The following SLC15A5 variants were observed in gnomAD, a reference collection of about 807,000 sequenced individuals.
SLC15A5 encodes the protein solute carrier family 15 member 5.
SLC15A5 carries 58 observed loss-of-function variants against 56.1 expected under a neutral mutation model. The observed-to-expected ratio is 1.03, with a 90% CI of 0.84 to 1.29. The LOEUF is 1.29. SLC15A5 is among the 50% of genes most tolerant of loss of function. The pLI, the probability that SLC15A5 is intolerant of heterozygous loss-of-function variation, is 0.00. For synonymous variants in SLC15A5, 264 were observed against 250.5 expected (o/e 1.05, Z -0.51); for missense variants, 681 against 672.1 (o/e 1.01, Z -0.15).
At chr12:16,254,959 T>G (rs1442354181) in intron 3 of SLC15A5, among the ~76,000 whole-genome samples, 3 of 152,090 alleles carry the variant, frequency 2.0e-5, no homozygotes, top group Non-Finnish European at 4.4e-5. Flanking sequence ...CAATAAAATA[T>G]TATATAGTTT....
intron 4 of SLC15A5, among the ~76,000 whole-genome samples, chr12:16,241,114 A>G (rs1365516453): frequency 2.0e-5 from 3 of 152,092 alleles, no homozygotes; most frequent in African/African-American, 7.2e-5. Flanking sequence ...TGCCCGGCCC[A>G]TCATGATCTT....
In SLC15A5 at chr12:16,195,458, G is replaced by C. The variant is rs189308616; in HGVS notation, c.1484-1005C>G. 2.0e-5 allele frequency among the ~76,000 whole-genome samples: 3 copies of C among 152,168 alleles called. No individual in the cohort carries two copies. The East Asian group carries it at 5.8e-4, about 29-fold the overall frequency. On this transcript the variant is annotated intron_variant, in intron 7 of 8. Transcript: ENST00000344941. ...TAAAAGGGAAAAATCTAACTTAACA[G>C]AGAGAATTTAATTTAACTGTAGCTA...
intron 4 of SLC15A5, among the ~76,000 whole-genome samples, chr12:16,240,359 C>A (rs1030168105): frequency 3.3e-5 from 5 of 151,772 alleles, no homozygotes; most frequent in African/African-American, 4.8e-5. Context: ...AGAAGAGGGG[C>A]CCAATGTGGA....
At chr12:16,214,122 T>C (rs1864108336) in intron 7 of SLC15A5, among the ~76,000 whole-genome samples, 1 of 152,188 alleles carries the variant, frequency 6.6e-6, no homozygotes, top group African/African-American at 2.4e-5. Flanking sequence ...AATCGTTACA[T>C]TTAAAAAATT....
chr12:16,258,568 T>A (rs1053999386), intron 2 of SLC15A5, among the ~76,000 whole-genome samples: 16 of 152,214 alleles, frequency 1.1e-4, no homozygotes, highest in African/African-American at 3.6e-4. Flanking sequence ...AAAATTGACG[T>A]AAAATTAAAT....
chr12:16,205,703 C>T (rs777302423), intron 7 of SLC15A5, among the ~76,000 whole-genome samples: 1 of 151,276 alleles, frequency 6.6e-6, no homozygotes, highest in Non-Finnish European at 1.5e-5. Context: ...CCACCAAAAT[C>T]AGAGCTTTAT....
chr12:16,214,741 C>T (rs959387228), intron 7 of SLC15A5, among the ~76,000 whole-genome samples: 1 of 152,180 alleles, frequency 6.6e-6, no homozygotes, highest in African/African-American at 2.4e-5. Context: ...TTGTATTCTT[C>T]TGCCATAATA....
At chr12:16,247,435 A>G (rs1199903054) in intron 3 of SLC15A5, among the ~76,000 whole-genome samples, 1 of 152,190 alleles carries the variant, frequency 6.6e-6, no homozygotes, top group Non-Finnish European at 1.5e-5. Context: ...CTGAAAATAT[A>G]GCAGTGAACG....
intron 7 of SLC15A5, among the ~76,000 whole-genome samples, chr12:16,214,827 G>A (rs112298596): frequency 4.6e-5 from 7 of 152,228 alleles, no homozygotes; most frequent in Admixed American, 2.0e-4. Context: ...GAGGGAGTCT[G>A]TGGGGATCCC....
At chr12:16,267,727 C>T (rs1419163409) in intron 2 of SLC15A5, among the ~76,000 whole-genome samples, 1 of 70,564 alleles carries the variant, frequency 1.4e-5, no homozygotes, top group Admixed American at 1.8e-4. Context: ...CCCGCCCACC[C>T]CCCACCTTTT....
chr12:16,257,618 A>C (rs1386437449), intron 3 of SLC15A5, 83 bp downstream of exon 3: 3 of 1,096,786 alleles, frequency 2.7e-6, no homozygotes, highest in Non-Finnish European at 3.6e-6. Context: ...TTGAAAGAGA[A>C]GTTATAAAGA....
rs912466427 is a variant in SLC15A5, at chr12:16,277,516, A to G, written c.170T>C (p.Phe57Ser). Residue 57 changes from phenylalanine (F) to serine (S), a missense_variant, in exon 1 of 9, where the codon TTC becomes TCC. Coordinates refer to ENST00000344941, the MANE Select transcript of SLC15A5 (RefSeq NM_001170798.1). ...LLVELCERFTFFEVVCNMIPF... is the reference protein window; with the variant it reads ...LLVELCERFTSFEVVCNMIPF... ...GATCATGTTGCAGACGACTTCAAAG[A>G]ACGTGAACCTCTCACACAGCTCCAC... The G allele has an allele frequency of 6.5e-7, 1 of 1,536,558 alleles. No individual in the cohort carries two copies. Among genetic ancestry groups the G allele is most frequent in the Non-Finnish European group, 8.7e-7 (1 of 1,146,440 alleles).
intron 2 of SLC15A5, among the ~76,000 whole-genome samples, chr12:16,265,253 G>C (rs1864682528): frequency 6.6e-6 from 1 of 152,140 alleles, no homozygotes; most frequent in South Asian, 2.1e-4. Context: ...CTGGGCCATG[G>C]TGGTAGCAAA....
rs777841864 is a variant in SLC15A5, at chr12:16,277,375, T to C, written c.311A>G (p.Tyr104Cys). 5.9e-6 allele frequency: 9 copies of C among 1,536,052 alleles called. No individual in the cohort carries two copies. Among genetic ancestry groups the C allele is most frequent in the Non-Finnish European group, 7.0e-6 (8 of 1,146,152 alleles). Residue 104 changes from tyrosine (Y) to cysteine (C), a missense_variant, in exon 1 of 9, where the codon TAT (tyrosine) becomes TGT (cysteine). Transcript: ENST00000344941. ...PVFVRWLTDV[Y>C]LGRNKLVYIC... The stretch of plus-strand genomic sequence containing the variant: ...GTACACCAGTTTGTTTCTTCCTAAA[T>C]AGACATCAGTGAGCCATCTGACAAA...
intron 1 of SLC15A5, among the ~76,000 whole-genome samples, chr12:16,274,633 A>C (rs1456386466): frequency 6.6e-6 from 1 of 152,054 alleles, no homozygotes. Flanking sequence ...TTCCCTTTTA[A>C]GGTTAGCCAG....
In SLC15A5 at chr12:16,272,090, T is replaced by G. The variant is rs1864765871; in HGVS notation, c.584+471A>C. On this transcript the variant is annotated intron_variant, in intron 2 of 8. Coordinates refer to ENST00000344941, the MANE Select transcript of SLC15A5 (RefSeq NM_001170798.1). ...ACAGACATACTAACAGCTACCATTTTTTGATCACTTACTATGTGCCAAGTT... is the reference window on the plus strand; with the variant it reads ...ACAGACATACTAACAGCTACCATTTGTTGATCACTTACTATGTGCCAAGTT... Among the ~76,000 whole-genome samples, 3 of 152,186 alleles carry G rather than the reference T, an allele frequency of 2.0e-5. 1 individual carries two copies. In the South Asian group the frequency reaches 6.2e-4, roughly 31 times the overall value.
intron 8 of SLC15A5, among the ~76,000 whole-genome samples, chr12:16,191,697 TTCTC>T (rs1565653888): frequency 1.3e-5 from 2 of 152,094 alleles, no homozygotes; most frequent in African/African-American, 2.4e-5. Flanking sequence ...ACACTGGTCT[TTCTC>T]TCTCAGGTTT....
chr12:16,192,925 G>C (rs1177721678), intron 8 of SLC15A5, among the ~76,000 whole-genome samples: 1 of 152,070 alleles, frequency 6.6e-6, no homozygotes, highest in African/African-American at 2.4e-5. Context: ...GTTTAGCAAG[G>C]TTAAACAGCT....
intron 7 of SLC15A5, among the ~76,000 whole-genome samples, chr12:16,195,262 C>T (rs1458610869): frequency 2.6e-5 from 4 of 151,980 alleles, no homozygotes; most frequent in Admixed American, 1.3e-4. Context: ...TCTCTATCCA[C>T]GTACATACTT....
Sources: gnomAD v4.1 joint callset for allele counts (sites outside exome capture counted in the v4.1 genomes callset) on GRCh38, gnomAD v4.1.1 for gene constraint, MANE v1.5 for transcripts, NCBI Gene and HGNC (gene_info 2026-07-23, HGNC 2026-07-21) for gene names.